The following TNKS variants were observed in gnomAD, a reference collection of about 807,000 sequenced individuals.
TNKS encodes the protein poly [ADP-ribose] polymerase tankyrase-1.
A neutral mutation model predicts 135.8 loss-of-function variants in TNKS; 72 were observed. The ratio of observed to expected loss-of-function variants is 0.53; its 90% CI spans 0.44 to 0.64. TNKS has a LOEUF of 0.64. Among genes scored for constraint, TNKS ranks in the 30% least tolerant of loss-of-function variants. TNKS has a pLI of 0.00. For missense variants in TNKS, 1,769 were observed against 1,674.0 expected (o/e 1.06, Z -0.99); for synonymous variants, 849 against 649.3 (o/e 1.31, Z -4.68).
chr8:9,575,683 A>G (rs1797920094), intron 1 of TNKS, among the ~76,000 whole-genome samples: 1 of 152,198 alleles, frequency 6.6e-6, no homozygotes, highest in South Asian at 2.1e-4. Context: ...GAACGCCTGC[A>G]GAATCATAAG....
At chr8:9,734,191 C>A (rs1384795717) in intron 15 of TNKS, among the ~76,000 whole-genome samples, 1 of 152,022 alleles carries the variant, frequency 6.6e-6, no homozygotes, top group Non-Finnish European at 1.5e-5. Flanking sequence ...AAATAACTTC[C>A]AAGTCATTGT....
At chr8:9,675,401 T>C (rs967318477) in intron 3 of TNKS, among the ~76,000 whole-genome samples, 3 of 152,166 alleles carry the variant, frequency 2.0e-5, no homozygotes, top group Non-Finnish European at 2.9e-5. Context: ...AACCTGAGAA[T>C]TGAGATTCTA....
At chr8:9,572,020 A>T (rs1195098051) in intron 1 of TNKS, among the ~76,000 whole-genome samples, 3 of 152,058 alleles carry the variant, frequency 2.0e-5, no homozygotes, top group African/African-American at 7.2e-5. Context: ...TATTGTAATT[A>T]TTTGTTAGGG....
intron 26 of TNKS, among the ~76,000 whole-genome samples, chr8:9,773,425 A>AAAT (rs2128843768): frequency 6.6e-6 from 1 of 152,288 alleles, no homozygotes; most frequent in South Asian, 2.1e-4. Flanking sequence ...CATGTATTTT[A>AAAT]AATATACTGT....
Position 9,696,895 on chromosome 8 carries a change from C to T in TNKS, c.1108-7768C>T, listed in dbSNP as rs73529179. Reference sequence around the variant, plus strand: ...TACTGCCCAAAGCAGTTTACAGGTTCAGTGCTATTCCTATCCAACAATCAA... The same window carrying T: ...TACTGCCCAAAGCAGTTTACAGGTTTAGTGCTATTCCTATCCAACAATCAA... On this transcript the variant is annotated intron_variant, in intron 5 of 26. Transcript: ENST00000310430. Among the ~76,000 whole-genome samples the T allele has an allele frequency of 2.9e-3, 443 of 152,244 alleles. 1 individual carries two copies. Among genetic ancestry groups the T allele is most frequent in the African/African-American group, 0.01 (416 of 41,534 alleles).
chr8:9,603,869 C>T (rs1799115145), intron 2 of TNKS, among the ~76,000 whole-genome samples: 1 of 152,042 alleles, frequency 6.6e-6, no homozygotes, highest in South Asian at 2.1e-4. Flanking sequence ...CAAATTTAAT[C>T]TGGTATACAG....
At chr8:9,582,348 G>A (rs1798197792) in intron 2 of TNKS, among the ~76,000 whole-genome samples, 1 of 152,058 alleles carries the variant, frequency 6.6e-6, no homozygotes, top group Admixed American at 6.6e-5. Context: ...TTTTGCTGGA[G>A]TCTAGTAGTT....
At chr8:9,585,250 A>G (rs1232711807) in intron 2 of TNKS, among the ~76,000 whole-genome samples, 1 of 152,176 alleles carries the variant, frequency 6.6e-6, no homozygotes, top group Non-Finnish European at 1.5e-5. Context: ...ATGTACAGAG[A>G]CAAATGTTGA....
At position 9,731,231 on chromosome 8, in the gene TNKS, G is replaced by A. The variant is rs1048673536; in HGVS notation, c.2147+196G>A. ...TCCCAGCACTTTGGGAGGCGAAGGCGGGCAGATCACCTGAGATCAGGAGTT... is the reference window on the plus strand; with the variant it reads ...TCCCAGCACTTTGGGAGGCGAAGGCAGGCAGATCACCTGAGATCAGGAGTT... On this transcript the variant is annotated intron_variant, in intron 14 of 26. Coordinates refer to ENST00000310430, the MANE Select transcript of TNKS (RefSeq NM_003747.3). Among the ~76,000 whole-genome samples, 5 of 152,038 alleles carry A rather than the reference G, an allele frequency of 3.3e-5. 1 individual carries two copies. Among genetic ancestry groups the A allele is most frequent in the South Asian group, 4.1e-4 (2 of 4,828 alleles).
intron 18 of TNKS, among the ~76,000 whole-genome samples, chr8:9,749,693 T>G (rs1806417955): frequency 6.6e-6 from 1 of 151,988 alleles, no homozygotes; most frequent in Admixed American, 6.6e-5. Context: ...GTTGCCCAGG[T>G]TAGTCTTGAA....
chr8:9,729,450 A>G (rs1805316910), intron 13 of TNKS, among the ~76,000 whole-genome samples: 2 of 152,328 alleles, frequency 1.3e-5, no homozygotes, highest in South Asian at 4.1e-4. Context: ...AGCCTAGAGC[A>G]TGCTATTGTC....
rs970372143 is a variant in TNKS at position 9,615,451 on chromosome 8, CTT to C, written c.899-123_899-122del. ...GCTGCAGTGCTTTTTTGCTTTTTTTCTTTTTTTTTCTTGAAAGAGAAAAAATT... is the reference window on the plus strand; with the variant it reads ...GCTGCAGTGCTTTTTTGCTTTTTTTCTTTTTTTCTTGAAAGAGAAAAAATT... On this transcript the variant is annotated intron_variant, in intron 2 of 26. Coordinates refer to ENST00000310430, the MANE Select transcript of TNKS (RefSeq NM_003747.3). 6.5e-5 allele frequency: 42 copies of C among 650,208 alleles called. 1 individual carries two copies. Among genetic ancestry groups the C allele is most frequent in the African/African-American group, 2.8e-4 (15 of 52,854 alleles). The allele number at this position is 650,208 out of a possible 1,614,324, so 40.3% of individuals were successfully genotyped here. A position where few individuals can be genotyped will look rare whatever the true frequency, so the allele number is the denominator to read the frequency against.
At chr8:9,677,163 G>T (rs1349206938) in intron 3 of TNKS, among the ~76,000 whole-genome samples, 1 of 152,154 alleles carries the variant, frequency 6.6e-6, no homozygotes, top group East Asian at 1.9e-4. Context: ...TGGTCCTTGG[G>T]CACCAGATAG....
At chr8:9,695,464 A>C (rs1449095290) in intron 5 of TNKS, among the ~76,000 whole-genome samples, 1 of 152,114 alleles carries the variant, frequency 6.6e-6, no homozygotes, top group African/African-American at 2.4e-5. Flanking sequence ...GAAAAGGTGA[A>C]GTTGGAAAGT....
intron 17 of TNKS, 80 bp downstream of exon 17, chr8:9,735,566 C>G (rs1241732822): frequency 9.2e-7 from 1 of 1,087,882 alleles, no homozygotes; most frequent in Non-Finnish European, 1.4e-6. Flanking sequence ...TTTAGGAGGC[C>G]GAGGAAGGTA....
intron 3 of TNKS, among the ~76,000 whole-genome samples, chr8:9,621,923 G>A (rs1478841016): frequency 6.6e-6 from 1 of 152,104 alleles, no homozygotes; most frequent in African/African-American, 2.4e-5. Context: ...ATTGCCTTTA[G>A]TATTACAGCA....
Position 9,556,303 on chromosome 8 carries a change from G to T in TNKS, c.364G>T (p.Gly122Cys). The change falls in exon 1 of 27, where the codon GGC (glycine) becomes TGC (cysteine). Residue 122 changes from glycine to cysteine, a missense_variant. Transcript: ENST00000310430. ...CGCTGGGGTCGCTCCCAACCCAGCC[G>T]GCAGTGGCAGTAACAATTCACCGTC... ...SAAGVAPNPA[G>C]SGSNNSPSSS... 2 of 1,614,214 alleles carry T rather than the reference G, an allele frequency of 1.2e-6. No individual in the cohort carries two copies. Among genetic ancestry groups the T allele is most frequent in the Admixed American group, 3.3e-5 (2 of 60,030 alleles).
chr8:9,714,315 C>T (rs1007312945), intron 11 of TNKS, among the ~76,000 whole-genome samples: 1 of 137,364 alleles, frequency 7.3e-6, no homozygotes, highest in African/African-American at 2.8e-5. Flanking sequence ...ATATGTGAAG[C>T]AACCGCCCTA....
intron 17 of TNKS, among the ~76,000 whole-genome samples, chr8:9,745,739 A>G (rs1806202636): frequency 6.6e-6 from 1 of 151,882 alleles, no homozygotes; most frequent in Non-Finnish European, 1.5e-5. Flanking sequence ...TTTGCTTTGT[A>G]TTATTAGAGC....
Sources: gnomAD v4.1 joint callset for allele counts (sites outside exome capture counted in the v4.1 genomes callset) on GRCh38, gnomAD v4.1.1 for gene constraint, MANE v1.5 for transcripts, NCBI Gene and HGNC (gene_info 2026-07-23, HGNC 2026-07-21) for gene names.